Variants in CDHR1 observed in about 807,000 individuals in gnomAD.
CDHR1 encodes the protein cadherin-related family member 1.
In CDHR1, 61 loss-of-function variants were observed where a neutral mutation model predicts 72.1. That is an observed-to-expected ratio of 0.85 (90% CI 0.69 to 1.05). The LOEUF is 1.05. CDHR1 is among the 50% of genes least tolerant of loss of function. The pLI, the probability that CDHR1 is intolerant of heterozygous loss-of-function variation, is 0.00. For missense variants in CDHR1, 1,186 were observed against 1,115.7 expected (o/e 1.06, Z -0.90); for synonymous variants, 470 against 448.1 (o/e 1.05, Z -0.62).
At position 84,208,783 on chromosome 10, in the gene CDHR1, G is replaced by A; in HGVS notation, c.1222G>A (p.Val408Met). Reference sequence around the variant, plus strand: ...GGTGGGACCCAGGGGCATCTTCCGAGTGGTTCCACAGACAGTCCTGAATGA... The same window carrying A: ...GGTGGGACCCAGGGGCATCTTCCGAATGGTTCCACAGACAGTCCTGAATGA... ...QLVGPRGIFRVVPQTVLNEAQ... is the reference protein window; with the variant it reads ...QLVGPRGIFRMVPQTVLNEAQ... Residue 408 changes from valine to methionine, a missense_variant, in exon 12 of 17, where the codon GTG becomes ATG. By Grantham distance (21) the Val-to-Met change is conservative. Transcript: ENST00000623527. 1 of 1,614,180 alleles carries A rather than the reference G, an allele frequency of 6.2e-7. No individual in the cohort carries two copies. The highest frequency in any genetic ancestry group is 8.5e-7 in the Non-Finnish European group (1 of 1,180,020).
chr10:84,211,192 G>T (rs1446636702), intron 13 of CDHR1, 27 bp downstream of exon 13: 2 of 1,613,166 alleles, frequency 1.2e-6, no homozygotes, highest in Admixed American at 1.7e-5. Flanking sequence ...CCCAGGGACT[G>T]GGTGGGATAG....
Position 84,212,174 on chromosome 10 carries a change from G to A in CDHR1, c.1554-5G>A. On this transcript the variant is annotated splice_polypyrimidine_tract_variant and splice_region_variant and intron_variant, in intron 14 of 16. Coordinates refer to ENST00000623527, the MANE Select transcript of CDHR1 (RefSeq NM_033100.4). ...ACACCCATGCCTATGTGCTCTGCCT[G>A]GCAGCTTCCTGATCCACCCATCCAC... The A allele has an allele frequency of 6.2e-7, 1 of 1,613,292 alleles. No homozygotes were observed. The highest frequency in any genetic ancestry group is 8.5e-7 in the Non-Finnish European group (1 of 1,179,292).
chr10:84,195,994 T>G (rs552634331), intron 2 of CDHR1, among the ~76,000 whole-genome samples: 1 of 152,294 alleles, frequency 6.6e-6, no homozygotes, highest in East Asian at 1.9e-4. Context: ...CTCCCTCACT[T>G]TGTGGGTAGT....
Position 84,203,116 on chromosome 10 carries a change from C to G in CDHR1, c.776C>G (p.Thr259Ser). Residue 259 changes from threonine to serine, a missense_variant, in exon 8 of 17, where the codon ACC becomes AGC. Coordinates refer to ENST00000623527, the MANE Select transcript of CDHR1 (RefSeq NM_033100.4). ...TACTATGGCTATGTGTACGAGGACA[C>G]CCTTCCGGTGGGTGGCTGTCCCCCT... ...TPYYGYVYEDTLPGSEVLKVV... is the reference protein window; with the variant it reads ...TPYYGYVYEDSLPGSEVLKVV... The G allele has an allele frequency of 6.2e-7, 1 of 1,614,166 alleles. No homozygotes were observed. Among genetic ancestry groups the G allele is most frequent in the Non-Finnish European group, 8.5e-7 (1 of 1,180,040 alleles).
Position 84,216,072 on chromosome 10 carries a change from G to A in CDHR1, c.*1451G>A. 1.0e-6 allele frequency: 1 copy of A among 985,378 alleles called. No homozygotes were observed. Among genetic ancestry groups the A allele is most frequent in the Non-Finnish European group, 1.2e-6 (1 of 829,934 alleles). 61.0% of individuals were successfully genotyped at this position (985,378 alleles called of 1,614,324 possible). On this transcript the variant is annotated 3_prime_UTR_variant, in exon 17 of 17. Transcript: ENST00000623527. The stretch of plus-strand genomic sequence containing the variant: ...GACAGAAGTCATACAAGGCCTCTGG[G>A]GTTAATACAAATAGGTTGTGCCCTG...
Position 84,214,631 on chromosome 10 carries a change from T to A in CDHR1, c.*10T>A. Reference sequence around the variant, plus strand: ...CAAGGCTTACTTCTAGTGTATGCCCTATGACCCCCCATCTTTCCTCCGCCC... The same window carrying A: ...CAAGGCTTACTTCTAGTGTATGCCCAATGACCCCCCATCTTTCCTCCGCCC... On this transcript the variant is annotated 3_prime_UTR_variant, in exon 17 of 17. Transcript: ENST00000623527. 6.3e-7 allele frequency: 1 copy of A among 1,599,534 alleles called. No homozygotes were observed. The highest frequency in any genetic ancestry group is 8.5e-7 in the Non-Finnish European group (1 of 1,179,772).
Position 84,201,929 on chromosome 10 carries a change from G to A in CDHR1, c.639+9G>A. The A allele has an allele frequency of 6.3e-7, 1 of 1,591,768 alleles. No homozygotes were observed. The highest frequency in any genetic ancestry group is 1.1e-5 in the South Asian group (1 of 90,670). On this transcript the variant is annotated intron_variant, in intron 7 of 16. Transcript: ENST00000623527. Reference sequence around the variant, plus strand: ...TCACCGTGGTCGCCAAGGTAACACAGCAGGACAGGGGAGCATCCAGTGTCT... The same window carrying A: ...TCACCGTGGTCGCCAAGGTAACACAACAGGACAGGGGAGCATCCAGTGTCT...
In CDHR1 at chr10:84,199,098, C is replaced by T; in HGVS notation, c.415C>T (p.Pro139Ser). The T allele has an allele frequency of 1.3e-6, 2 of 1,551,294 alleles. No homozygotes were observed. The highest frequency in any genetic ancestry group is 2.4e-5 in the East Asian group (1 of 40,908). The change falls in exon 5 of 17, where the codon CCT (proline) becomes TCT (serine). Residue 139 changes from proline to serine, a missense_variant. Coordinates refer to ENST00000623527, the MANE Select transcript of CDHR1 (RefSeq NM_033100.4). ...TGAGGCGCCCAGGTTCATCCAGGAG[C>T]CTTATGTTGCCCTGGTTCCCGAGGT... ...NDEAPRFIQE[P>S]YVALVPEDIP...
At chr10:84,212,843 G>A (rs563055257) in intron 15 of CDHR1, 6 of 595,312 alleles carry the variant, frequency 1.0e-5, no homozygotes, top group African/African-American at 5.6e-5. Context: ...TCTGTAATAT[G>A]GATTCACCAA....
Position 84,208,189 on chromosome 10 carries a change from C to T in CDHR1, c.979C>T (p.Pro327Ser). 6.2e-7 allele frequency: 1 copy of T among 1,614,124 alleles called. No homozygotes were observed. Among genetic ancestry groups the T allele is most frequent in the Non-Finnish European group, 8.5e-7 (1 of 1,180,020 alleles). The change falls in exon 11 of 17, where the codon CCT (proline) becomes TCT (serine). Residue 327 changes from proline (P) to serine (S), a missense_variant. Physicochemically the swap from Pro to Ser is moderately conservative, Grantham distance 74. Coordinates refer to ENST00000623527, the MANE Select transcript of CDHR1 (RefSeq NM_033100.4). ...ELHVQVTEMS[P>S]AGSPAAQATV... ...CCCATCCCAGGTGACTGAAATGAGC[C>T]CTGCGGGGAGCCCAGCTGCCCAGGC...
At position 84,215,204 on chromosome 10, in the gene CDHR1, G is replaced by A. The variant is rs886047333; in HGVS notation, c.*583G>A. On this transcript the variant is annotated 3_prime_UTR_variant, in exon 17 of 17. Coordinates refer to ENST00000623527, the MANE Select transcript of CDHR1 (RefSeq NM_033100.4). The stretch of plus-strand genomic sequence containing the variant: ...CACACTGACTGTGGGACTGTGCCAG[G>A]ATGCATTTGGAAAGATAGAGCATTC... The A allele has an allele frequency of 1.2e-4, 124 of 996,510 alleles. No individual in the cohort carries two copies. The highest frequency in any genetic ancestry group is 5.1e-4 in the Middle Eastern group (1 of 1,950). 61.7% of individuals were successfully genotyped at this position (996,510 alleles called of 1,614,324 possible). A position where few individuals can be genotyped will look rare whatever the true frequency, so the allele number is the denominator to read the frequency against.
chr10:84,196,464 G>A, intron 2 of CDHR1, 41 bp from the exon 3 acceptor site: 4 of 1,612,634 alleles, frequency 2.5e-6, no homozygotes, highest in South Asian at 2.2e-5. Flanking sequence ...AGGAAAAGTT[G>A]GGTCTCAGAT....
chr10:84,198,452 A>G (rs1190074699), intron 4 of CDHR1, among the ~76,000 whole-genome samples: 1 of 152,190 alleles, frequency 6.6e-6, no homozygotes, highest in Non-Finnish European at 1.5e-5. Context: ...GCCATAATCT[A>G]GCCATAAATC....
chr10:84,219,206 T>A, downstream of CDHR1: 2 of 1,550,822 alleles, frequency 1.3e-6, no homozygotes, highest in Middle Eastern at 1.7e-4. Flanking sequence ...CACTGCGAAA[T>A]TGCCTTATTC....
At position 84,208,300 on chromosome 10, in the gene CDHR1, G is replaced by C. The variant is rs1447144001; in HGVS notation, c.1090G>C (p.Glu364Gln). The C allele has an allele frequency of 3.1e-6, 5 of 1,614,154 alleles. No individual in the cohort carries two copies. The highest frequency in any genetic ancestry group is 4.2e-6 in the Non-Finnish European group (5 of 1,180,034). Residue 364 changes from glutamate to glutamine, a missense_variant, in exon 11 of 17, where the codon GAG becomes CAG. Transcript: ENST00000623527. ...YGESGPQNRF[E>Q]LSMNEHPPQG... Reference sequence around the variant, plus strand: ...AGAGAGCGGACCCCAAAACAGGTTTGAGCTGTCCATGAATGAGCACCCACC... The same window carrying C: ...AGAGAGCGGACCCCAAAACAGGTTTCAGCTGTCCATGAATGAGCACCCACC...
Position 84,216,603 on chromosome 10 carries a change from C to T in CDHR1, c.*1982C>T, listed in dbSNP as rs1589311701. ...CCAGTCTTTCTGACACACAGTGAAGCTCAACTTGCCTCCTGGCTGCTTCAG... is the reference window on the plus strand; with the variant it reads ...CCAGTCTTTCTGACACACAGTGAAGTTCAACTTGCCTCCTGGCTGCTTCAG... On this transcript the variant is annotated 3_prime_UTR_variant, in exon 17 of 17. Transcript: ENST00000623527. 1.0e-6 allele frequency: 1 copy of T among 985,508 alleles called. No individual in the cohort carries two copies. Among genetic ancestry groups the T allele is most frequent in the East Asian group, 1.1e-4 (1 of 8,822 alleles). The allele number at this position is 985,508 out of a possible 1,614,324, so 61.0% of individuals were successfully genotyped here.
At chr10:84,207,594 T>C (rs905576031) in intron 10 of CDHR1, among the ~76,000 whole-genome samples, 7 of 152,208 alleles carry the variant, frequency 4.6e-5, no homozygotes, top group Non-Finnish European at 1.0e-4. Context: ...CTATGGGATC[T>C]TTGCCCTGGC....
chr10:84,214,732 A>G lies in CDHR1; in HGVS notation c.*111A>G. ...TTAAGGTCACTGACCCCTGTTTTGC[A>G]CAATGGTATAATCCCCACTGTCCTC... On this transcript the variant is annotated 3_prime_UTR_variant, in exon 17 of 17. Transcript: ENST00000623527. The G allele has an allele frequency of 6.4e-7, 1 of 1,571,586 alleles. No homozygotes were observed. The highest frequency in any genetic ancestry group is 1.1e-5 in the South Asian group (1 of 87,146).
intron 15 of CDHR1, 125 bp from the exon 16 acceptor site, chr10:84,212,966 C>A: frequency 8.0e-7 from 1 of 1,257,166 alleles, no homozygotes; most frequent in Non-Finnish European, 1.2e-6. Context: ...CAACTCAATC[C>A]TCTCAAAATA....
Sources: gnomAD v4.1 joint callset for allele counts (sites outside exome capture counted in the v4.1 genomes callset) on GRCh38, gnomAD v4.1.1 for gene constraint, MANE v1.5 for transcripts, NCBI Gene and HGNC (gene_info 2026-07-23, HGNC 2026-07-21) for gene names.